The following CDH10 variants were observed in gnomAD, a reference collection of about 807,000 sequenced individuals.
CDH10 encodes cadherin-10.
In CDH10, 30 loss-of-function variants were observed where a neutral mutation model predicts 73.1. The observed-to-expected ratio is 0.41, with a 90% CI of 0.31 to 0.56. The LOEUF (loss-of-function observed/expected upper bound fraction) is 0.56, where lower values mean the gene tolerates loss of function less well. Ranked by LOEUF, CDH10 falls within the 20% of genes least tolerant of loss-of-function variation. The pLI is 0.27. For missense variants in CDH10, 815 were observed against 973.7 expected, an observed-to-expected ratio of 0.84 and a Z score of 2.17; for synonymous variants, 345 against 348.2, an observed-to-expected ratio of 0.99 and a Z score of 0.10.
chr5:24,590,893 C>A (rs1746178144), intron 2 of CDH10, among the ~76,000 whole-genome samples: 1 of 151,922 alleles, frequency 6.6e-6, no homozygotes, highest in South Asian at 2.1e-4. Context: ...ACATCTAAAC[C>A]AACCCAGAGG....
intron 1 of CDH10, among the ~76,000 whole-genome samples, chr5:24,601,254 A>AT (rs1355973848): frequency 6.6e-6 from 1 of 152,084 alleles, no homozygotes; most frequent in Non-Finnish European, 1.5e-5. Flanking sequence ...TGGAAATCAA[A>AT]TTTTTCTCCC....
At chr5:24,597,544 G>T (rs1746414765) in intron 1 of CDH10, among the ~76,000 whole-genome samples, 2 of 152,040 alleles carry the variant, frequency 1.3e-5, no homozygotes, top group Admixed American at 1.3e-4. Context: ...TTTAACCAGA[G>T]GAGTTTGTTT....
intron 1 of CDH10, among the ~76,000 whole-genome samples, chr5:24,600,961 T>C (rs1214680116): frequency 6.6e-6 from 1 of 151,984 alleles, no homozygotes; most frequent in Non-Finnish European, 1.5e-5. Flanking sequence ...TGATGGGCCC[T>C]AGGCAGTTTG....
intron 1 of CDH10, among the ~76,000 whole-genome samples, chr5:24,618,241 G>A (rs555188855): frequency 6.6e-6 from 1 of 152,268 alleles, no homozygotes; most frequent in African/African-American, 2.4e-5. Flanking sequence ...AAATTTCTGA[G>A]TCTCTGGAAA....
At chr5:24,498,366 C>T (rs2111682305) in intron 9 of CDH10, 32 bp downstream of exon 9, 1 of 1,504,194 alleles carries the variant, frequency 6.6e-7, no homozygotes, top group Non-Finnish European at 9.1e-7. Flanking sequence ...CAGTTAAAAT[C>T]TTTCCAGAGT....
chr5:24,558,557 T>C (rs576981775), intron 2 of CDH10, among the ~76,000 whole-genome samples: 4 of 151,670 alleles, frequency 2.6e-5, no homozygotes, highest in Non-Finnish European at 5.9e-5. Context: ...ATACTTTATA[T>C]AGAATACTGC....
intron 9 of CDH10, among the ~76,000 whole-genome samples, 183 bp downstream of exon 9, chr5:24,498,215 C>T (rs1742361951): frequency 6.6e-6 from 1 of 152,060 alleles, no homozygotes; most frequent in Non-Finnish European, 1.5e-5. Flanking sequence ...AAATATGAAA[C>T]TGGTATATGG....
At chr5:24,544,166 T>C (rs994920316) in intron 2 of CDH10, among the ~76,000 whole-genome samples, 3 of 151,946 alleles carry the variant, frequency 2.0e-5, no homozygotes, top group Non-Finnish European at 4.4e-5. Flanking sequence ...TGGTGGTGCA[T>C]GTCTGTAGTC....
chr5:24,559,161 G>C (rs535381847), intron 2 of CDH10, among the ~76,000 whole-genome samples: 1 of 151,794 alleles, frequency 6.6e-6, no homozygotes, highest in South Asian at 2.1e-4. Flanking sequence ...GGTATTATAG[G>C]AATTATTTTT....
chr5:24,525,157 G>C (rs1167042323), intron 5 of CDH10, among the ~76,000 whole-genome samples: 1 of 151,968 alleles, frequency 6.6e-6, no homozygotes, highest in African/African-American at 2.4e-5. Flanking sequence ...GGCGACAAAG[G>C]CAAACTGCTT....
chr5:24,549,141 T>C (rs1381992766), intron 2 of CDH10, among the ~76,000 whole-genome samples: 1 of 152,074 alleles, frequency 6.6e-6, no homozygotes, highest in Non-Finnish European at 1.5e-5. Context: ...ATATAGAATA[T>C]ACACAAACTG....
At chr5:24,534,429 T>C (rs1255599418) in intron 5 of CDH10, among the ~76,000 whole-genome samples, 1 of 151,050 alleles carries the variant, frequency 6.6e-6, no homozygotes, top group Non-Finnish European at 1.5e-5. Context: ...CGAGCAGACA[T>C]GTAATCTACC....
intron 2 of CDH10, among the ~76,000 whole-genome samples, chr5:24,558,106 T>C (rs1414931962): frequency 6.6e-6 from 1 of 151,914 alleles, no homozygotes; most frequent in East Asian, 1.9e-4. Flanking sequence ...GAATGTAGAA[T>C]AATAAGTACA....
chr5:24,511,848 G>T (rs567246998), intron 5 of CDH10, among the ~76,000 whole-genome samples: 3 of 152,212 alleles, frequency 2.0e-5, no homozygotes, highest in African/African-American at 7.2e-5. Context: ...ATGGATAGAG[G>T]TGGAGGCCAT....
In CDH10 at chr5:24,505,070, A is replaced by T. The variant is rs1292055313; in HGVS notation, c.1393+42T>A. 2.2e-6 allele frequency: 3 copies of T among 1,343,088 alleles called. No homozygotes were observed. In the East Asian group the frequency reaches 7.0e-5, roughly 31 times the overall value. The allele number at this position is 1,343,088 out of a possible 1,614,324, so 83.2% of individuals were successfully genotyped here. On this transcript the variant is annotated intron_variant, in intron 8 of 11. Coordinates refer to ENST00000264463, the MANE Select transcript of CDH10 (RefSeq NM_006727.5). ...AAACTGCATAAAATATATAAACATA[A>T]ACATATCTAGATATATGTTAGATAC... is the stretch of plus-strand genomic sequence containing the variant.
intron 1 of CDH10, among the ~76,000 whole-genome samples, chr5:24,610,985 A>G (rs907150357): frequency 3.9e-5 from 6 of 152,216 alleles, no homozygotes; most frequent in African/African-American, 1.4e-4. Flanking sequence ...TCATTTGCTG[A>G]GTGGCTATTA....
At chr5:24,631,958 G>C (rs1747718219) in intron 1 of CDH10, among the ~76,000 whole-genome samples, 1 of 152,048 alleles carries the variant, frequency 6.6e-6, no homozygotes, top group Non-Finnish European at 1.5e-5. Flanking sequence ...GAGGAAAAAA[G>C]TTGAAATTTA....
chr5:24,509,793 A>C lies in CDH10; in HGVS notation c.1029T>G (p.Leu343=), dbSNP rs1742830913. 1 of 1,611,912 alleles carries C rather than the reference A, an allele frequency of 6.2e-7. No homozygotes were observed. The highest frequency in any genetic ancestry group is 1.7e-5 in the Admixed American group (1 of 59,846). The change falls in exon 7 of 12, where the codon CTT becomes CTG. Residue 343 remains leucine (L), a synonymous_variant. Coordinates refer to ENST00000264463, the MANE Select transcript of CDH10 (RefSeq NM_006727.5). ...KKPLDYESRR[L]YTLKVEAENT... The stretch of plus-strand genomic sequence containing the variant: ...TTTCTGCTTCGACTTTCAGAGTATA[A>C]AGTCTTCGGCTCTCATAGTCGAGTG...
Position 24,511,508 on chromosome 5 carries a change from A to G in CDH10, c.821T>C (p.Ile274Thr), listed in dbSNP as rs1355351664. The change falls in exon 6 of 12, where the codon ATT becomes ACT. Residue 274 changes from isoleucine to threonine, a missense_variant. Around this residue, in one of 3 missense-constraint regions of CDH10, gnomAD observed 516 missense variants for 636.6 expected, o/e 0.81. Coordinates refer to ENST00000264463, the MANE Select transcript of CDH10 (RefSeq NM_006727.5). ...GGAGGATTCAAGAACTCGAAGATGA[A>G]TAGTGTCTGTAAAGTATAAAGAAAA... ...DNPPRFPQNTIHLRVLESSPV... is the reference protein window; with the variant it reads ...DNPPRFPQNTTHLRVLESSPV... The G allele has an allele frequency of 1.3e-6, 2 of 1,505,772 alleles. No individual in the cohort carries two copies. The highest frequency in any genetic ancestry group is 3.4e-5 in the Admixed American group (2 of 58,438). 93.3% of individuals were successfully genotyped at this position (1,505,772 alleles called of 1,614,324 possible).
Sources: gnomAD v4.1 joint callset for allele counts (sites outside exome capture counted in the v4.1 genomes callset) on GRCh38, gnomAD v4.1.1 for gene constraint, gnomAD v4.1.1 regional missense constraint, MANE v1.5 for transcripts, NCBI Gene and HGNC (gene_info 2026-07-23, HGNC 2026-07-21) for gene names.